The following C2CD3 variants were observed in gnomAD, a reference collection of about 807,000 sequenced individuals.
C2CD3 encodes C2 domain containing 3 centriole elongation regulator.
C2CD3 carries 148 observed loss-of-function variants against 234.0 expected under a neutral mutation model. The ratio of observed to expected loss-of-function variants is 0.63; its 90% CI spans 0.55 to 0.72. The LOEUF (loss-of-function observed/expected upper bound fraction) is 0.72, where lower values mean the gene tolerates loss of function less well. Ranked by LOEUF, C2CD3 falls within the 30% of genes least tolerant of loss-of-function variation. The pLI is 0.00. For missense variants in C2CD3, 2,577 were observed against 2,811.5 expected, an observed-to-expected ratio of 0.92 and a Z score of 1.89; for synonymous variants, 1,000 against 1,035.4, an observed-to-expected ratio of 0.97 and a Z score of 0.66.
At chr11:74,052,020 G>A (rs1953715359) in intron 26 of C2CD3, among the ~76,000 whole-genome samples, 1 of 152,072 alleles carries the variant, frequency 6.6e-6, no homozygotes. Flanking sequence ...ATCAGACCTT[G>A]GTCATGACCT....
In C2CD3 at chr11:74,103,207, T is replaced by C. The variant is rs779366546; in HGVS notation, c.2504A>G (p.Lys835Arg). The change falls in exon 14 of 33, where the codon AAA becomes AGA. Residue 835 changes from lysine (K) to arginine (R), a missense_variant. By Grantham distance (26) the Lys-to-Arg change is conservative. Transcript: ENST00000334126. ...QSPCNVYLNC[K>R]LFSTEEVTRS... ...GGTGACTTCCTCTGTGCTGAAGAGT[T>C]TACAATTTAAATAAACATTGCATGG... The C allele has an allele frequency of 8.7e-6, 14 of 1,614,208 alleles. No homozygotes were observed. The highest frequency in any genetic ancestry group is 1.2e-5 in the Non-Finnish European group (14 of 1,180,008).
intron 22 of C2CD3, among the ~76,000 whole-genome samples, chr11:74,080,010 C>T (rs959650583): frequency 3.9e-5 from 6 of 152,096 alleles, no homozygotes; most frequent in Non-Finnish European, 5.9e-5. Context: ...AATTAATGGG[C>T]ACAGTGTGTT....
chr11:74,013,175 C>T lies in C2CD3; in HGVS notation c.*210G>A. On this transcript the variant is annotated 3_prime_UTR_variant, in exon 33 of 33. Coordinates refer to ENST00000334126, the MANE Select transcript of C2CD3 (RefSeq NM_001286577.2). The stretch of plus-strand genomic sequence containing the variant: ...TTTGCCTCACCACAGAAAAAAGGAG[C>T]TGAAATTCTGGCAAGTGGACACTGG... 2.8e-6 allele frequency: 1 copy of T among 351,322 alleles called. No homozygotes were observed. The highest frequency in any genetic ancestry group is 5.1e-6 in the Non-Finnish European group (1 of 196,914). 21.8% of individuals were successfully genotyped at this position (351,322 alleles called of 1,614,324 possible).
In C2CD3 at chr11:74,078,329, A is replaced by T; in HGVS notation, c.4389T>A (p.Ile1463=). The T allele has an allele frequency of 6.2e-7, 1 of 1,614,074 alleles. No homozygotes were observed. The change falls in exon 23 of 33, where the codon ATT becomes ATA. Residue 1463 remains isoleucine, a synonymous_variant. Transcript: ENST00000334126. ...TTTTGGATGCCTTGAAAGTGACCAT[A>T]ATCTGCTTTTTGTTTACAGATTCCT... ...KPKESVNKKQ[I]MVTFKASKRA...
In C2CD3 at chr11:74,031,396, C is replaced by T. The variant is rs573944323; in HGVS notation, c.6809+1955G>A. Among the ~76,000 whole-genome samples the T allele has an allele frequency of 1.1e-4, 16 of 152,346 alleles. No individual in the cohort carries two copies. The East Asian group carries it at 3.1e-3, about 29-fold the overall frequency. ...TGAACTACTGCCCACAGGCAGCCTC[C>T]TTCACCCAGCGAGGCCTCTGCACAC... is the stretch of plus-strand genomic sequence containing the variant. On this transcript the variant is annotated intron_variant, in intron 31 of 32. Transcript: ENST00000334126.
intron 31 of C2CD3, among the ~76,000 whole-genome samples, chr11:74,031,883 G>A (rs985404446): frequency 7.2e-5 from 11 of 152,156 alleles, no homozygotes; most frequent in African/African-American, 2.7e-4. Context: ...CACACAAGGA[G>A]GTCTATTTTC....
At position 74,035,879 on chromosome 11, in the gene C2CD3, G is replaced by A. The variant is rs185379385; in HGVS notation, c.5881+1599C>T. ...CAATTCTTTTTTTTTTGTTTGTTTT[G>A]AGTCAGAGTCTTACTCTGTTGTCCA... On this transcript the variant is annotated intron_variant, in intron 30 of 32. Transcript: ENST00000334126. 5.5e-4 allele frequency among the ~76,000 whole-genome samples: 82 copies of A among 150,380 alleles called. 1 individual carries two copies. The highest frequency in any genetic ancestry group is 4.9e-4 in the Non-Finnish European group (33 of 67,708).
chr11:74,033,513 CT>C lies in C2CD3; in HGVS notation c.6646del (p.Ser2216ValfsTer15), dbSNP rs2135412723. On this transcript the variant is annotated frameshift_variant, in exon 31 of 33. Transcript: ENST00000334126. LOFTEE classifies it high-confidence loss of function. The stretch of plus-strand genomic sequence containing the variant: ...GCTATCAGCAGAGTCACCGAGCTCA[CT>C]GGTGGCAGCTTCATTCTCAGCTGGG... ...EAPAENEAAT[S>X]ELGDSADSFK... 1 of 1,536,224 alleles carries C rather than the reference CT, an allele frequency of 6.5e-7. No individual in the cohort carries two copies. Among genetic ancestry groups the C allele is most frequent in the Non-Finnish European group, 8.7e-7 (1 of 1,146,922 alleles).
intron 28 of C2CD3, among the ~76,000 whole-genome samples, chr11:74,047,243 A>G (rs916074667): frequency 7.9e-5 from 12 of 152,218 alleles, no homozygotes; most frequent in African/African-American, 2.7e-4. Flanking sequence ...CTGTCTGTAT[A>G]TAATATGACA....
At chr11:74,138,694 G>C in intron 5 of C2CD3, 26 bp downstream of exon 5, 1 of 1,594,496 alleles carries the variant, frequency 6.3e-7, no homozygotes, top group African/African-American at 1.3e-5. Flanking sequence ...AGTTTAGTCT[G>C]ACTCAGTTCA....
intron 20 of C2CD3, among the ~76,000 whole-genome samples, chr11:74,088,289 A>G (rs1955737522): frequency 6.6e-6 from 1 of 152,246 alleles, no homozygotes; most frequent in East Asian, 1.9e-4. Context: ...TTTCCATTTC[A>G]GATGAAGAAA....
chr11:74,042,751 T>A (rs1280255879), intron 28 of C2CD3, among the ~76,000 whole-genome samples: 1 of 139,782 alleles, frequency 7.2e-6, no homozygotes, highest in African/African-American at 3.3e-5. Flanking sequence ...AGACTCTGTC[T>A]TAAAAAAAAA....
At chr11:74,056,901 AT>A (rs3076367) in intron 25 of C2CD3, among the ~76,000 whole-genome samples, 5,618 of 136,814 alleles carry the variant, frequency 0.041, 294 homozygotes, top group African/African-American at 0.14. Context: ...CTTTATTGTA[AT>A]TTTTTTTTTT....
chr11:74,127,799 A>C (rs995084335), intron 7 of C2CD3, among the ~76,000 whole-genome samples: 1 of 152,024 alleles, frequency 6.6e-6, no homozygotes, highest in African/African-American at 2.4e-5. Flanking sequence ...GTGGGTGTGA[A>C]GTAGTATCTC....
chr11:74,128,180 A>G (rs1185599001), intron 7 of C2CD3, among the ~76,000 whole-genome samples: 1 of 152,134 alleles, frequency 6.6e-6, no homozygotes, highest in East Asian at 1.9e-4. Flanking sequence ...CTATCTTAAT[A>G]TATTTTTTGG....
chr11:74,125,775 CTACTT>C (rs1299976340), intron 7 of C2CD3, among the ~76,000 whole-genome samples: 1 of 152,164 alleles, frequency 6.6e-6, no homozygotes, highest in Non-Finnish European at 1.5e-5. Flanking sequence ...GACTCTATTA[CTACTT>C]TACGAGTGAA....
chr11:74,030,354 T>C (rs11235982), intron 31 of C2CD3, among the ~76,000 whole-genome samples: 19,346 of 152,196 alleles, frequency 0.13, 3,404 homozygotes, highest in African/African-American at 0.4. Flanking sequence ...GAAAAAGTTG[T>C]CTGTTCTCAC....
At position 74,042,222 on chromosome 11, in the gene C2CD3, TCAAA is replaced by T; in HGVS notation, c.5496-8_5496-5del. On this transcript the variant is annotated splice_polypyrimidine_tract_variant and splice_region_variant and intron_variant, in intron 28 of 32. Transcript: ENST00000334126. ...TTGGCTTCTTGTGGTATCACTTCTG[TCAAA>T]AAAAAAAAAAAAAAAAGTAGGAGCA... 6.9e-7 allele frequency: 1 copy of T among 1,450,418 alleles called. No homozygotes were observed. The allele number at this position is 1,450,418 out of a possible 1,614,324, so 89.8% of individuals were successfully genotyped here.
rs573725902 is a variant in C2CD3, at chr11:74,149,713, G to A, written c.484-9885C>T. ...CACCTCAAATCAAGGGATTCTCTTCGGCTCCCTCCTGTGTTGTATCTCTTG... is the reference window on the plus strand; with the variant it reads ...CACCTCAAATCAAGGGATTCTCTTCAGCTCCCTCCTGTGTTGTATCTCTTG... On this transcript the variant is annotated intron_variant, in intron 3 of 32. Coordinates refer to ENST00000334126, the MANE Select transcript of C2CD3 (RefSeq NM_001286577.2). Among the ~76,000 whole-genome samples, 444 of 151,470 alleles carry A rather than the reference G, an allele frequency of 2.9e-3. 2 individuals carry two copies. The highest frequency in any genetic ancestry group is 0.01 in the African/African-American group (427 of 41,238).
Sources: gnomAD v4.1 joint callset for allele counts (sites outside exome capture counted in the v4.1 genomes callset) on GRCh38, gnomAD v4.1.1 for gene constraint, MANE v1.5 for transcripts, NCBI Gene and HGNC (gene_info 2026-07-23, HGNC 2026-07-21) for gene names.